The following FER variants were observed in gnomAD, a reference collection of about 807,000 sequenced individuals.
FER encodes FER tyrosine kinase.
FER carries 63 observed loss-of-function variants against 111.0 expected under a neutral mutation model. The ratio of observed to expected loss-of-function variants is 0.57; its 90% CI spans 0.46 to 0.70. The LOEUF is 0.70. FER is among the 30% of genes least tolerant of loss of function. The pLI is 0.00. For missense variants in FER, 914 were observed against 954.0 expected (o/e 0.96, Z 0.55); for synonymous variants, 327 against 313.9 (o/e 1.04, Z -0.44).
At chr5:109,134,337 T>C (rs1383912214) in intron 17 of FER, among the ~76,000 whole-genome samples, 1 of 152,162 alleles carries the variant, frequency 6.6e-6, no homozygotes, top group Non-Finnish European at 1.5e-5. Context: ...AAGTTTCAAA[T>C]TTTAAAGATA....
chr5:109,004,962 A>G (rs1030552365), intron 13 of FER, among the ~76,000 whole-genome samples: 3 of 152,108 alleles, frequency 2.0e-5, no homozygotes, highest in South Asian at 4.2e-4. Flanking sequence ...AACTACTGAT[A>G]AAAGCACTCC....
intron 13 of FER, among the ~76,000 whole-genome samples, chr5:108,964,288 T>G (rs1227036179): frequency 6.6e-5 from 10 of 152,162 alleles, no homozygotes; most frequent in Admixed American, 3.9e-4. Context: ...TAGAGAGGGC[T>G]AATTTTTTAA....
intron 17 of FER, among the ~76,000 whole-genome samples, chr5:109,173,580 C>A (rs1165744970): frequency 1.3e-5 from 2 of 152,316 alleles, no homozygotes; most frequent in Non-Finnish European, 1.5e-5. Context: ...ATTGACTATT[C>A]CTTAAAAGCC....
intron 5 of FER, among the ~76,000 whole-genome samples, chr5:108,865,198 T>G (rs1377665603): frequency 6.6e-6 from 1 of 152,164 alleles, no homozygotes; most frequent in Non-Finnish European, 1.5e-5. Flanking sequence ...TTTTGCACAT[T>G]GATTTTGTAT....
intron 13 of FER, among the ~76,000 whole-genome samples, chr5:109,004,572 T>G (rs1315934352): frequency 6.6e-6 from 1 of 152,196 alleles, no homozygotes; most frequent in Non-Finnish European, 1.5e-5. Context: ...GGTAATATGC[T>G]TACAAAATAT....
intron 13 of FER, among the ~76,000 whole-genome samples, chr5:108,998,456 G>A (rs1484420920): frequency 4.6e-5 from 7 of 152,068 alleles, no homozygotes; most frequent in Admixed American, 2.0e-4. Flanking sequence ...ATCCTTCTTC[G>A]GCTCGCCCTC....
At chr5:109,015,243 A>G (rs1379938729) in intron 13 of FER, among the ~76,000 whole-genome samples, 1 of 151,926 alleles carries the variant, frequency 6.6e-6, no homozygotes, top group Non-Finnish European at 1.5e-5. Flanking sequence ...TTCCATTTTG[A>G]TTTTGCTGTT....
At chr5:108,857,072 C>A (rs1192701607) in intron 5 of FER, among the ~76,000 whole-genome samples, 2 of 151,992 alleles carry the variant, frequency 1.3e-5, no homozygotes, top group South Asian at 4.1e-4. Flanking sequence ...TCCCATATAC[C>A]GTTCACTCAT....
intron 10 of FER, among the ~76,000 whole-genome samples, chr5:108,920,467 A>G (rs1752878680): frequency 6.6e-6 from 1 of 150,970 alleles, no homozygotes. Flanking sequence ...TACACTGATA[A>G]TCTTAAATTT....
In FER at chr5:108,914,675, G is replaced by A. The variant is rs189675543; in HGVS notation, c.1236+16827G>A. Among the ~76,000 whole-genome samples the A allele has an allele frequency of 3.9e-5, 6 of 152,288 alleles. No individual in the cohort carries two copies. In the East Asian group the frequency reaches 1.2e-3, roughly 29 times the overall value. On this transcript the variant is annotated intron_variant, in intron 10 of 19. Transcript: ENST00000281092. ...ATCAGCATGGAAGTAGATAGCACAA[G>A]CATGTGAAATGATACTTTGAAGTAG... is the stretch of plus-strand genomic sequence containing the variant.
intron 3 of FER, among the ~76,000 whole-genome samples, chr5:108,823,709 A>AT (rs1239462083): frequency 2.0e-5 from 3 of 152,002 alleles, no homozygotes; most frequent in Admixed American, 6.5e-5. Flanking sequence ...ATTTGCAAAT[A>AT]TTTTTTCCCA....
chr5:108,954,702 G>T (rs754933549), intron 11 of FER, 27 bp from the exon 12 acceptor site: 56 of 1,187,288 alleles, frequency 4.7e-5, no homozygotes, highest in Admixed American at 6.0e-5. Flanking sequence ...CTCTAATTTA[G>T]TTTTTTTTTT....
chr5:108,824,292 T>C (rs1417872727), intron 3 of FER, among the ~76,000 whole-genome samples: 1 of 152,142 alleles, frequency 6.6e-6, no homozygotes, highest in Non-Finnish European at 1.5e-5. Context: ...GTTTAGGATT[T>C]TTTTTTTCTA....
chr5:109,044,861 G>A lies in FER; in HGVS notation c.1829+66G>A, dbSNP rs573878872. On this transcript the variant is annotated intron_variant, in intron 15 of 19. Transcript: ENST00000281092. ...AAATTATTTATTAAAATGTAAGTTT[G>A]AAGACATCTTAAATTGTGATTTACT... 71 of 839,548 alleles carry A rather than the reference G, an allele frequency of 8.5e-5. 1 individual carries two copies. In the South Asian group the frequency reaches 1.1e-3, roughly 13 times the overall value. The allele number at this position is 839,548 out of a possible 1,614,324, so 52.0% of individuals were successfully genotyped here. A position where few individuals can be genotyped will look rare whatever the true frequency, so the allele number is the denominator to read the frequency against.
At chr5:109,176,494 G>T (rs1757705603) in intron 17 of FER, among the ~76,000 whole-genome samples, 1 of 152,124 alleles carries the variant, frequency 6.6e-6, no homozygotes, top group Non-Finnish European at 1.5e-5. Context: ...AGAGAGGTGG[G>T]GAGGATGGAA....
intron 17 of FER, among the ~76,000 whole-genome samples, chr5:109,163,014 A>C (rs938104875): frequency 6.6e-6 from 1 of 152,038 alleles, no homozygotes; most frequent in Non-Finnish European, 1.5e-5. Context: ...TCCTTTTCCT[A>C]TCTCTGGCCC....
intron 13 of FER, among the ~76,000 whole-genome samples, chr5:108,990,757 A>G (rs867567610): frequency 2.0e-5 from 3 of 151,754 alleles, no homozygotes; most frequent in African/African-American, 7.2e-5. Flanking sequence ...GAAATAGATG[A>G]GTCATCTTTA....
At chr5:109,133,835 T>A (rs912590314) in intron 17 of FER, among the ~76,000 whole-genome samples, 1 of 152,160 alleles carries the variant, frequency 6.6e-6, no homozygotes, top group African/African-American at 2.4e-5. Flanking sequence ...TGTAAAAGAT[T>A]GCATCAAATG....
At chr5:108,832,722 T>C in intron 3 of FER, 48 bp from the exon 4 acceptor site, 1 of 1,355,796 alleles carries the variant, frequency 7.4e-7, no homozygotes, top group South Asian at 2.0e-5. Flanking sequence ...CACAGCTAAA[T>C]GGAAACCTTT....
Sources: allele counts gnomAD v4.1 joint callset (sites outside exome capture counted in the v4.1 genomes callset), GRCh38; gene constraint gnomAD v4.1.1; transcripts MANE v1.5; gene names NCBI Gene and HGNC (gene_info 2026-07-23, HGNC 2026-07-21).